THSD7B: variants seen among roughly 807,000 people sequenced by gnomAD.
THSD7B encodes thrombospondin type-1 domain-containing protein 7B.
In THSD7B, 138 loss-of-function variants were observed where a neutral mutation model predicts 213.6. The observed-to-expected ratio is 0.65, with a 90% CI of 0.56 to 0.74. The LOEUF is 0.74. THSD7B is among the 30% of genes least tolerant of loss of function. The probability of loss-of-function intolerance (pLI) is 0.00; values close to 1 mark genes in which losing one functional copy is unlikely to be tolerated. For synonymous variants in THSD7B, 742 were observed against 687.0 expected (o/e 1.08, Z -1.25); for missense variants, 1,931 against 1,991.5 (o/e 0.97, Z 0.58).
intron 2 of THSD7B, among the ~76,000 whole-genome samples, chr2:136,885,426 A>G (rs753682803): frequency 6.6e-6 from 1 of 152,174 alleles, no homozygotes; most frequent in Non-Finnish European, 1.5e-5. Flanking sequence ...CTGCAAGGTC[A>G]TTGATCTGTC....
chr2:137,312,411 G>A (rs1406982704), intron 12 of THSD7B, among the ~76,000 whole-genome samples: 7 of 142,682 alleles, frequency 4.9e-5, no homozygotes, highest in Non-Finnish European at 7.7e-5. Context: ...TTCTTTATTC[G>A]TCTTGCTAGT....
chr2:137,491,050 A>G (rs1688595455), intron 15 of THSD7B, among the ~76,000 whole-genome samples: 1 of 152,212 alleles, frequency 6.6e-6, no homozygotes. Flanking sequence ...AGGTTTATAG[A>G]GTTATTTATG....
intron 21 of THSD7B, among the ~76,000 whole-genome samples, chr2:137,653,874 T>TA (rs1683184566): frequency 6.6e-6 from 1 of 152,138 alleles, no homozygotes; most frequent in African/African-American, 2.4e-5. Context: ...TTTTGAATTC[T>TA]AGCTCAGAGA....
chr2:137,626,217 C>G (rs1467292372), intron 20 of THSD7B, among the ~76,000 whole-genome samples: 1 of 152,164 alleles, frequency 6.6e-6, no homozygotes, highest in Non-Finnish European at 1.5e-5. Context: ...AACCCCAGCA[C>G]TTTGGGAGGC....
chr2:137,585,093 C>G (rs1681689833), intron 17 of THSD7B, among the ~76,000 whole-genome samples: 1 of 152,142 alleles, frequency 6.6e-6, no homozygotes, highest in South Asian at 2.1e-4. Context: ...AGGAATTTAC[C>G]CATTTCTTCT....
At chr2:137,149,115 A>T (rs913238717) in intron 5 of THSD7B, among the ~76,000 whole-genome samples, 1 of 152,198 alleles carries the variant, frequency 6.6e-6, no homozygotes, top group Non-Finnish European at 1.5e-5. Context: ...AGCCATGGCT[A>T]AAAGGAGCCA....
At chr2:137,074,838 G>C (rs921133541) in intron 3 of THSD7B, among the ~76,000 whole-genome samples, 8 of 152,048 alleles carry the variant, frequency 5.3e-5, no homozygotes, top group African/African-American at 1.7e-4. Flanking sequence ...TTCTCCTTCA[G>C]TTATGAAGCT....
intron 17 of THSD7B, among the ~76,000 whole-genome samples, chr2:137,576,984 C>T (rs1392073257): frequency 2.6e-5 from 4 of 152,176 alleles, no homozygotes; most frequent in Middle Eastern, 6.8e-3. Flanking sequence ...TCAACCTCAC[C>T]TAACAGTCTT....
At chr2:137,282,491 C>T (rs1683050280) in intron 12 of THSD7B, among the ~76,000 whole-genome samples, 1 of 152,136 alleles carries the variant, frequency 6.6e-6, no homozygotes, top group African/African-American at 2.4e-5. Context: ...TGCCTATGTC[C>T]TGAATGGTAT....
intron 2 of THSD7B, among the ~76,000 whole-genome samples, chr2:136,942,780 ATCATG>A (rs1260861405): frequency 2.0e-5 from 3 of 152,196 alleles, no homozygotes; most frequent in Non-Finnish European, 4.4e-5. Context: ...TAAATGTACA[ATCATG>A]TCATCTGCAA....
chr2:136,952,220 C>A (rs1028603821), intron 2 of THSD7B, among the ~76,000 whole-genome samples: 17 of 151,796 alleles, frequency 1.1e-4, no homozygotes, highest in Middle Eastern at 3.2e-3. Context: ...CCCACCCCCC[C>A]AAAAAAGCAC....
In THSD7B at chr2:137,272,324, G is replaced by A. The variant is rs114732837; in HGVS notation, c.2267-209G>A. On this transcript the variant is annotated intron_variant, in intron 10 of 27. Coordinates refer to ENST00000409968, the MANE Select transcript of THSD7B (RefSeq NM_001316349.2). ...AAGACAGCGGGAAATAATTATATTC[G>A]AAATCACCATTATTAAGTATTGTGT... Among the ~76,000 whole-genome samples, 916 of 152,122 alleles carry A rather than the reference G, an allele frequency of 6.0e-3. 9 individuals carry two copies. The highest frequency in any genetic ancestry group is 0.02 in the African/African-American group (825 of 41,508).
At chr2:136,981,697 T>C (rs1685580454) in intron 2 of THSD7B, among the ~76,000 whole-genome samples, 1 of 152,318 alleles carries the variant, frequency 6.6e-6, no homozygotes, top group Non-Finnish European at 1.5e-5. Context: ...TCGACAAGTT[T>C]CCTCTTTATC....
intron 1 of THSD7B, among the ~76,000 whole-genome samples, chr2:136,805,203 T>G (rs1463045447): frequency 6.6e-6 from 1 of 151,858 alleles, no homozygotes; most frequent in African/African-American, 2.4e-5. Context: ...CTGGGTTTGG[T>G]CAGGAATTGA....
At chr2:137,026,278 C>T (rs1279933471) in intron 2 of THSD7B, among the ~76,000 whole-genome samples, 1 of 152,112 alleles carries the variant, frequency 6.6e-6, no homozygotes, top group African/African-American at 2.4e-5. Flanking sequence ...TGTTTAGAAC[C>T]TAGATCCCAT....
chr2:137,072,638 G>C (rs544606191), intron 3 of THSD7B, among the ~76,000 whole-genome samples: 5 of 152,076 alleles, frequency 3.3e-5, no homozygotes, highest in African/African-American at 4.8e-5. Flanking sequence ...TTCCAACACT[G>C]TGTTGAATAG....
intron 7 of THSD7B, among the ~76,000 whole-genome samples, chr2:137,188,395 T>C (rs750324795): frequency 2.6e-5 from 4 of 152,154 alleles, no homozygotes; most frequent in Non-Finnish European, 5.9e-5. Flanking sequence ...TTCTAACCCA[T>C]TCATTTAACA....
At chr2:137,563,058 C>T (rs899202152) in intron 15 of THSD7B, among the ~76,000 whole-genome samples, 163 bp from the exon 16 acceptor site, 2 of 152,124 alleles carry the variant, frequency 1.3e-5, no homozygotes, top group Non-Finnish European at 2.9e-5. Flanking sequence ...TCAGTAAATT[C>T]AGAGAAGCCA....
At position 137,555,093 on chromosome 2, in the gene THSD7B, C is replaced by A. The variant is rs573756681; in HGVS notation, c.3139-8128C>A. Among the ~76,000 whole-genome samples, 6 of 152,320 alleles carry A rather than the reference C, an allele frequency of 3.9e-5. No homozygotes were observed. In the South Asian group the frequency reaches 1.2e-3, roughly 32 times the overall value. On this transcript the variant is annotated intron_variant, in intron 15 of 27. Transcript: ENST00000409968. Reference sequence around the variant, plus strand: ...ACTGCAGTTCAAGGAGGCCTGCCTGCCTCTGTAGACTCCACCTCTAGGGGC... The same window carrying A: ...ACTGCAGTTCAAGGAGGCCTGCCTGACTCTGTAGACTCCACCTCTAGGGGC...
Sources: allele counts gnomAD v4.1 joint callset (sites outside exome capture counted in the v4.1 genomes callset), GRCh38; gene constraint gnomAD v4.1.1; transcripts MANE v1.5; gene names NCBI Gene and HGNC (gene_info 2026-07-23, HGNC 2026-07-21).